CYB5R4: variants seen among roughly 807,000 people sequenced by gnomAD.
The protein encoded by CYB5R4 is cytochrome b5 reductase 4.
Under a neutral mutation model 70.2 loss-of-function variants are expected in CYB5R4, and 55 were observed. That is an observed-to-expected ratio of 0.78 (90% CI 0.63 to 0.98). The LOEUF is 0.98. Ranked by LOEUF, CYB5R4 falls within the 50% of genes least tolerant of loss-of-function variation. The pLI is 0.00. For synonymous variants in CYB5R4, 197 were observed against 199.5 expected (o/e 0.99, Z 0.11); for missense variants, 562 against 612.6 (o/e 0.92, Z 0.87).
At chr6:83,887,476 C>T (rs1353673627) in intron 2 of CYB5R4, among the ~76,000 whole-genome samples, 1 of 152,108 alleles carries the variant, frequency 6.6e-6, no homozygotes, top group Non-Finnish European at 1.5e-5. Context: ...ATATTAAGAA[C>T]AGGTACTACC....
chr6:83,902,734 A>G (rs2099463189), intron 3 of CYB5R4, among the ~76,000 whole-genome samples: 1 of 151,794 alleles, frequency 6.6e-6, no homozygotes, highest in Non-Finnish European at 1.5e-5. Context: ...ACTTGTAGAG[A>G]TCTTTCATCT....
At chr6:83,928,176 A>C (rs895704852) in intron 10 of CYB5R4, among the ~76,000 whole-genome samples, 1 of 152,192 alleles carries the variant, frequency 6.6e-6, no homozygotes, top group African/African-American at 2.4e-5. Context: ...CAATTACGAA[A>C]ATATATTTGT....
intron 15 of CYB5R4, 24 bp from the exon 16 acceptor site, chr6:83,959,800 A>G (rs763607629): frequency 1.3e-6 from 2 of 1,585,250 alleles, no homozygotes; most frequent in Non-Finnish European, 1.7e-6. Flanking sequence ...CCTAAGAAAC[A>G]TGTGCTTTTT....
rs202176488 is a variant in CYB5R4, at chr6:83,905,024, CT to C, written c.331-3975del. ...ATCTGGTGTAACAGTCACTTCTTTC[CT>C]TTTTTTTTTGTATGTTTGTTTTGTT... is the stretch of plus-strand genomic sequence containing the variant. On this transcript the variant is annotated intron_variant, in intron 3 of 15. Transcript: ENST00000369681. Among the ~76,000 whole-genome samples the C allele has an allele frequency of 6.1e-4, 89 of 146,288 alleles. 1 individual carries two copies. In the East Asian group the frequency reaches 0.013, roughly 22 times the overall value.
At chr6:83,924,358 A>C in intron 9 of CYB5R4, 112 bp from the exon 10 acceptor site, 1 of 1,027,000 alleles carries the variant, frequency 9.7e-7, no homozygotes, top group Non-Finnish European at 1.4e-6. Context: ...ACTAATAATC[A>C]GTACCATTCA....
intron 3 of CYB5R4, among the ~76,000 whole-genome samples, chr6:83,896,655 CTTTA>C (rs1231513318): frequency 3.3e-5 from 5 of 152,094 alleles, no homozygotes; most frequent in Admixed American, 1.3e-4. Flanking sequence ...AACACATTTT[CTTTA>C]TTTATCCATT....
At chr6:83,882,515 C>T (rs1293539955) in intron 2 of CYB5R4, among the ~76,000 whole-genome samples, 1 of 152,108 alleles carries the variant, frequency 6.6e-6, no homozygotes, top group African/African-American at 2.4e-5. Context: ...AGGAATATTA[C>T]AGAATCCAAA....
intron 3 of CYB5R4, among the ~76,000 whole-genome samples, chr6:83,901,625 A>G (rs2099462972): frequency 6.6e-6 from 1 of 151,838 alleles, no homozygotes; most frequent in African/African-American, 2.4e-5. Flanking sequence ...GTCTTTTCAC[A>G]TAGTCCCATA....
At chr6:83,882,769 C>T (rs1489143063) in intron 2 of CYB5R4, among the ~76,000 whole-genome samples, 1 of 152,062 alleles carries the variant, frequency 6.6e-6, no homozygotes, top group Non-Finnish European at 1.5e-5. Flanking sequence ...GGGTGGATCA[C>T]GAGATCAGGA....
At chr6:83,913,455 A>G (rs1030484453) in intron 4 of CYB5R4, among the ~76,000 whole-genome samples, 1 of 152,170 alleles carries the variant, frequency 6.6e-6, no homozygotes, top group Non-Finnish European at 1.5e-5. Context: ...AGCCTTTTTT[A>G]GGAGATCAGG....
intron 10 of CYB5R4, among the ~76,000 whole-genome samples, chr6:83,929,924 A>G (rs986709042): frequency 3.9e-5 from 6 of 152,114 alleles, no homozygotes; most frequent in Admixed American, 1.3e-4. Context: ...CATGTTGGAG[A>G]TGTTGTGGGT....
chr6:83,924,640 T>A (rs748194403), intron 10 of CYB5R4, 48 bp downstream of exon 10: 1 of 1,591,102 alleles, frequency 6.3e-7, no homozygotes, highest in Non-Finnish European at 8.6e-7. Flanking sequence ...ATGAAATTGT[T>A]GTTAGTTGTA....
At chr6:83,898,811 T>C (rs1478295013) in intron 3 of CYB5R4, among the ~76,000 whole-genome samples, 1 of 152,178 alleles carries the variant, frequency 6.6e-6, no homozygotes, top group Non-Finnish European at 1.5e-5. Context: ...TGCACATTGA[T>C]TTTGTATCCT....
At chr6:83,948,360 C>T (rs1363679655) in intron 14 of CYB5R4, among the ~76,000 whole-genome samples, 1 of 152,064 alleles carries the variant, frequency 6.6e-6, no homozygotes, top group Non-Finnish European at 1.5e-5. Context: ...CACAACAGGG[C>T]CTGTCACAGG....
At chr6:83,944,757 G>C (rs1281189762) in intron 14 of CYB5R4, among the ~76,000 whole-genome samples, 1 of 149,538 alleles carries the variant, frequency 6.7e-6, no homozygotes, top group African/African-American at 2.5e-5. Flanking sequence ...CAAGCCAATG[G>C]AAAGCAAAAA....
chr6:83,875,860 T>C (rs1037133235), intron 2 of CYB5R4, among the ~76,000 whole-genome samples: 1 of 152,194 alleles, frequency 6.6e-6, no homozygotes, highest in Admixed American at 6.5e-5. Context: ...CAAGTCTGGG[T>C]CTGTTTAGTG....
chr6:83,866,397 TG>T, intron 2 of CYB5R4, among the ~76,000 whole-genome samples: 1 of 152,336 alleles, frequency 6.6e-6, no homozygotes, highest in African/African-American at 2.4e-5. Context: ...ATATACTTAC[TG>T]GTTGAGCATC....
At chr6:83,919,298 G>A in intron 6 of CYB5R4, 99 bp from the exon 7 acceptor site, 1 of 655,876 alleles carries the variant, frequency 1.5e-6, no homozygotes. Flanking sequence ...GAGAAATACA[G>A]ATATGTCTCA....
intron 10 of CYB5R4, chr6:83,926,441 T>G (rs1210951407): frequency 6.6e-6 from 1 of 152,038 alleles, no homozygotes; most frequent in Admixed American, 6.6e-5. Context: ...TTTGGCAGAG[T>G]CGGTCTCTTC....
Sources: gnomAD v4.1 joint callset for allele counts (sites outside exome capture counted in the v4.1 genomes callset) on GRCh38, gnomAD v4.1.1 for gene constraint, MANE v1.5 for transcripts, NCBI Gene and HGNC (gene_info 2026-07-23, HGNC 2026-07-21) for gene names.